The following VWA5A variants were observed in gnomAD, a reference collection of about 807,000 sequenced individuals.
VWA5A encodes the protein von Willebrand factor A domain containing 5A.
VWA5A carries 77 observed loss-of-function variants against 84.6 expected under a neutral mutation model. That is an observed-to-expected ratio of 0.91 (90% CI 0.76 to 1.10). The LOEUF (loss-of-function observed/expected upper bound fraction) is 1.10, where lower values mean the gene tolerates loss of function less well. Ranked by LOEUF, VWA5A falls within the 50% of genes least tolerant of loss-of-function variation. The pLI is 0.00. For missense variants in VWA5A, 973 were observed against 963.0 expected (o/e 1.01, Z -0.14); for synonymous variants, 334 against 350.1 (o/e 0.95, Z 0.51).
rs568813370 is a variant in VWA5A at position 124,147,548 on chromosome 11, G to A, written c.*1603G>A. 3.9e-5 allele frequency: 6 copies of A among 152,302 alleles called. No individual in the cohort carries two copies. The highest frequency in any genetic ancestry group is 1.4e-4 in the African/African-American group (6 of 41,568). The allele number at this position is 152,302 out of a possible 1,614,324, so 9.4% of individuals were successfully genotyped here. A position where few individuals can be genotyped will look rare whatever the true frequency, so the allele number is the denominator to read the frequency against. ...TCTTCCAAGTTTGTTTATGCTGAATGTGATCTGCGGAACAGGGTTGTTAGA... is the reference window on the plus strand; with the variant it reads ...TCTTCCAAGTTTGTTTATGCTGAATATGATCTGCGGAACAGGGTTGTTAGA... On this transcript the variant is annotated 3_prime_UTR_variant, in exon 19 of 19. Transcript: ENST00000456829.
At chr11:124,123,600 ACT>A in intron 9 of VWA5A, 58 bp from the exon 10 acceptor site, 1 of 1,613,402 alleles carries the variant, frequency 6.2e-7, no homozygotes, top group East Asian at 2.2e-5. Flanking sequence ...CAATTCAGGG[ACT>A]CTATACTGGG....
chr11:124,118,903 C>T (rs1301155302), intron 6 of VWA5A, 72 bp from the exon 7 acceptor site: 19 of 1,461,148 alleles, frequency 1.3e-5, no homozygotes, highest in East Asian at 4.8e-5. Context: ...AGGAGGACTG[C>T]GCCCTAACCT....
At chr11:124,118,485 C>T (rs1864875640) in intron 5 of VWA5A, 48 bp from the exon 6 acceptor site, 1 of 1,611,114 alleles carries the variant, frequency 6.2e-7, no homozygotes. Context: ...TTGAGAGTGT[C>T]ATAAAAAGTG....
intron 11 of VWA5A, among the ~76,000 whole-genome samples, chr11:124,131,225 C>T (rs1865092458): frequency 6.6e-6 from 1 of 151,924 alleles, no homozygotes; most frequent in Non-Finnish European, 1.5e-5. Flanking sequence ...CTATCTGATA[C>T]CTGAGGCTGC....
At chr11:124,127,188 C>A (rs1371331897) in intron 11 of VWA5A, among the ~76,000 whole-genome samples, 1 of 151,988 alleles carries the variant, frequency 6.6e-6, no homozygotes, top group Non-Finnish European at 1.5e-5. Context: ...CCTGACAGGC[C>A]CCAGTGAGTG....
chr11:124,126,300 C>G (rs534160073), intron 11 of VWA5A, among the ~76,000 whole-genome samples: 3 of 152,314 alleles, frequency 2.0e-5, no homozygotes, highest in African/African-American at 7.2e-5. Context: ...GCTAGAACTG[C>G]ATTGACTAGA....
chr11:124,128,823 T>C (rs1188927229), intron 11 of VWA5A, among the ~76,000 whole-genome samples: 2 of 152,230 alleles, frequency 1.3e-5, no homozygotes, highest in African/African-American at 2.4e-5. Context: ...TTTTTGCACA[T>C]TGATTTTCTA....
rs149045321 is a variant in VWA5A at position 124,145,359 on chromosome 11, T to C, written c.2277T>C (p.His759=). 977 of 1,612,104 alleles carry C rather than the reference T, an allele frequency of 6.1e-4. 3 individuals are homozygous for C. The African/African-American group carries it at 9.8e-3, about 16-fold the overall frequency. The change falls in exon 18 of 19, where the codon CAT becomes CAC. Residue 759 remains histidine (H), a synonymous_variant. Transcript: ENST00000456829. ...ERKAVAWMRA[H]AGSTMPSVVK... ...AGGCCGTGGCCTGGATGCGTGCCCA[T>C]GCAGGTAGGAGCACAATCCTAAGGC...
At chr11:124,118,890 TGGA>T in intron 6 of VWA5A, 82 bp from the exon 7 acceptor site, 2 of 1,408,238 alleles carry the variant, frequency 1.4e-6, no homozygotes, top group African/African-American at 1.4e-5. Flanking sequence ...TGCTGTCTTA[TGGA>T]GGAGGACTGC....
At chr11:124,132,213 A>C (rs73607028) in intron 11 of VWA5A, among the ~76,000 whole-genome samples, 4,704 of 152,116 alleles carry the variant, frequency 0.031, 251 homozygotes, top group African/African-American at 0.1. Flanking sequence ...GTGATGTATT[A>C]ATCTCTTTCA....
chr11:124,118,183 T>A lies in VWA5A; in HGVS notation c.247-6T>A, dbSNP rs1330362994. 3 of 1,613,146 alleles carry A rather than the reference T, an allele frequency of 1.9e-6. No homozygotes were observed. The highest frequency in any genetic ancestry group is 2.5e-6 in the Non-Finnish European group (3 of 1,179,714). On this transcript the variant is annotated splice_region_variant and splice_polypyrimidine_tract_variant and intron_variant, in intron 4 of 18. Coordinates refer to ENST00000456829, the MANE Select transcript of VWA5A (RefSeq NM_001130142.2). ...TCTTTCCCATCCCTCGCCCTGTGCT[T>A]CTCAGGCCCGCACCAACTATGAGAA...
chr11:124,118,697 A>G lies in VWA5A; in HGVS notation c.634A>G (p.Thr212Ala). 6.2e-7 allele frequency: 1 copy of G among 1,613,662 alleles called. No individual in the cohort carries two copies. Among genetic ancestry groups the G allele is most frequent in the Non-Finnish European group, 8.5e-7 (1 of 1,179,838 alleles). The change falls in exon 6 of 19, where the codon ACT (threonine) becomes GCT (alanine). Residue 212 changes from threonine to alanine, a missense_variant. Transcript: ENST00000456829. ...SPTEYLGEDKTSAQVSLAAGH... is the reference protein window; with the variant it reads ...SPTEYLGEDKASAQVSLAAGH... ...TACCGAGTACCTAGGAGAGGACAAG[A>G]CTTCTGCTCAGGTAGTTAATGAGAG...
At chr11:124,125,091 T>C (rs776439436) in intron 11 of VWA5A, among the ~76,000 whole-genome samples, 2 of 152,172 alleles carry the variant, frequency 1.3e-5, no homozygotes, top group Non-Finnish European at 2.9e-5. Context: ...CATACCTATT[T>C]ATATACGTAG....
intron 18 of VWA5A, among the ~76,000 whole-genome samples, chr11:124,145,659 C>T (rs2282505): frequency 0.4 from 61,488 of 151,970 alleles, 12,781 homozygotes; most frequent in East Asian, 0.68. Flanking sequence ...AGACTTGGTG[C>T]GTGTTCTCCT....
At chr11:124,141,557 G>T in intron 15 of VWA5A, 41 bp from the exon 16 acceptor site, 3 of 1,609,382 alleles carry the variant, frequency 1.9e-6, no homozygotes, top group South Asian at 1.1e-5. Flanking sequence ...CCACTGCAGA[G>T]AGCAGGGAGT....
chr11:124,131,095 A>G (rs1865090437), intron 11 of VWA5A, among the ~76,000 whole-genome samples: 1 of 152,050 alleles, frequency 6.6e-6, no homozygotes, highest in South Asian at 2.1e-4. Context: ...TCCATCAGGT[A>G]TACCTTCCAA....
intron 18 of VWA5A, 92 bp from the exon 19 acceptor site, chr11:124,145,774 A>G (rs1336182362): frequency 2.2e-5 from 29 of 1,321,950 alleles, no homozygotes; most frequent in African/African-American, 3.0e-5. Flanking sequence ...GAGGACAGAT[A>G]AAAGCACAAC....
chr11:124,123,084 C>A lies in VWA5A; in HGVS notation c.885C>A (p.Pro295=). Residue 295 remains proline (P), a synonymous_variant, in exon 8 of 19, where the codon CCC becomes CCA. Coordinates refer to ENST00000456829, the MANE Select transcript of VWA5A (RefSeq NM_001130142.2). The part of the protein sequence containing the change: ...LMDRSGSMQS[P]MSSQDTSQLR... The stretch of plus-strand genomic sequence containing the variant: ...ACCGCTCGGGAAGTATGCAGAGCCC[C>A]ATGAGTAGCCAGGATACATCTCAGC... The A allele has an allele frequency of 6.2e-7, 1 of 1,613,984 alleles. No homozygotes were observed. The highest frequency in any genetic ancestry group is 1.3e-5 in the African/African-American group (1 of 75,022).
chr11:124,122,248 T>G (rs546302819), intron 7 of VWA5A, among the ~76,000 whole-genome samples: 3 of 152,346 alleles, frequency 2.0e-5, no homozygotes, highest in East Asian at 1.9e-4. Flanking sequence ...TACTAGCATT[T>G]CAATTCCTGT....
Sources: allele counts gnomAD v4.1 joint callset (sites outside exome capture counted in the v4.1 genomes callset), GRCh38; gene constraint gnomAD v4.1.1; transcripts MANE v1.5; gene names NCBI Gene and HGNC (gene_info 2026-07-23, HGNC 2026-07-21).